DDX20: variants seen among roughly 807,000 people sequenced by gnomAD.
The protein encoded by DDX20 is DEAD-box helicase 20.
A neutral mutation model predicts 76.4 loss-of-function variants in DDX20; 61 were observed. The ratio of observed to expected loss-of-function variants is 0.80; its 90% CI spans 0.65 to 0.99. The LOEUF (loss-of-function observed/expected upper bound fraction) is 0.99. DDX20 is among the 50% of genes least tolerant of loss of function. The probability of loss-of-function intolerance (pLI) is 0.00; values close to 1 mark genes in which losing one functional copy is unlikely to be tolerated. For missense variants in DDX20, 976 were observed against 996.8 expected (o/e 0.98, Z 0.28); for synonymous variants, 357 against 357.4 (o/e 1.00, Z 0.01).
intron 7 of DDX20, 57 bp downstream of exon 7, chr1:111,761,341 G>T (rs1663671412): frequency 1.4e-6 from 2 of 1,459,112 alleles, no homozygotes; most frequent in African/African-American, 1.4e-5. Context: ...AGCCTCCAAA[G>T]TCAGGAGGAA....
At chr1:111,759,258 G>C in intron 2 of DDX20, 142 bp from the exon 3 acceptor site, 1 of 670,136 alleles carries the variant, frequency 1.5e-6, no homozygotes, top group Non-Finnish European at 2.3e-6. Flanking sequence ...GATACCAAGG[G>C]ATAACTGTAC....
At position 111,762,673 on chromosome 1, in the gene DDX20, C is replaced by T. The variant is rs757896588; in HGVS notation, c.1105-4C>T. On this transcript the variant is annotated splice_polypyrimidine_tract_variant and splice_region_variant and intron_variant, in intron 8 of 10. Coordinates refer to ENST00000369702, the MANE Select transcript of DDX20 (RefSeq NM_007204.5). ...CAAATAATTGCTATCTTCTTCAATT[C>T]AAGACTTCTCGTGGGATTGATGCTG... The T allele has an allele frequency of 6.2e-7, 1 of 1,610,074 alleles. No individual in the cohort carries two copies. Among genetic ancestry groups the T allele is most frequent in the African/African-American group, 1.3e-5 (1 of 74,618 alleles).
In DDX20 at chr1:111,756,156, C is replaced by T; in HGVS notation, c.232C>T (p.Arg78Trp). ...TTCGCGGCCGGTGCTGGAGGGGCTG[C>T]GGGCGGCCGGCTTCGAGAGGCCCTC... ...LLSRPVLEGL[R>W]AAGFERPSPV... The change falls in exon 1 of 11, where the codon CGG (arginine) becomes TGG (tryptophan). Residue 78 changes from arginine (R) to tryptophan (W), a missense_variant. Coordinates refer to ENST00000369702, the MANE Select transcript of DDX20 (RefSeq NM_007204.5). The T allele has an allele frequency of 8.4e-6, 13 of 1,555,554 alleles. No individual in the cohort carries two copies. Among genetic ancestry groups the T allele is most frequent in the East Asian group, 2.4e-5 (1 of 42,080 alleles).
Position 111,767,018 on chromosome 1 carries a change from T to A in DDX20, c.*119T>A, listed in dbSNP as rs575154371. Reference sequence around the variant, plus strand: ...GCATTTCTGATAAACTTGAAAAGACTTGAGTCTTTCCACTGGGACACATCC... The same window carrying A: ...GCATTTCTGATAAACTTGAAAAGACATGAGTCTTTCCACTGGGACACATCC... On this transcript the variant is annotated 3_prime_UTR_variant, in exon 11 of 11. Coordinates refer to ENST00000369702, the MANE Select transcript of DDX20 (RefSeq NM_007204.5). 13 of 757,476 alleles carry A rather than the reference T, an allele frequency of 1.7e-5. No homozygotes were observed. The highest frequency in any genetic ancestry group is 3.9e-4 in the Middle Eastern group (1 of 2,532). The allele number at this position is 757,476 out of a possible 1,614,324, so 46.9% of individuals were successfully genotyped here.
chr1:111,760,291 G>C (rs1032162426), intron 3 of DDX20, 183 bp from the exon 4 acceptor site: 6 of 482,094 alleles, frequency 1.2e-5, no homozygotes, highest in Non-Finnish European at 2.2e-5. Context: ...GGAAAACAAT[G>C]AGTTTAGTCA....
chr1:111,766,645 C>T lies in DDX20; in HGVS notation c.2221C>T (p.Arg741Trp), dbSNP rs377478404. 49 of 1,614,032 alleles carry T rather than the reference C, an allele frequency of 3.0e-5. No homozygotes were observed. The highest frequency in any genetic ancestry group is 6.7e-5 in the Admixed American group (4 of 60,006). The change falls in exon 11 of 11, where the codon CGG becomes TGG. Residue 741 changes from arginine (R) to tryptophan (W), a missense_variant. Physicochemically the swap from Arg to Trp is moderately radical, Grantham distance 101 (BLOSUM62 -3). Transcript: ENST00000369702. Reference protein sequence around the residue: ...AKQSRRNLPRRSSFRLQTEAQ... With the variant: ...AKQSRRNLPRWSSFRLQTEAQ... The stretch of plus-strand genomic sequence containing the variant: ...GCAGAGCCGGAGAAACCTACCCAGG[C>T]GGTCTTCCTTCAGATTGCAGACTGA...
At chr1:111,762,444 A>G (rs548517513) in intron 8 of DDX20, 107 bp downstream of exon 8, 282 of 947,156 alleles carry the variant, frequency 3.0e-4, no homozygotes, top group Non-Finnish European at 4.1e-4. Context: ...TAACAAGAAT[A>G]CCAGAAGATA....
At chr1:111,765,122 A>G (rs1046813799) in intron 10 of DDX20, among the ~76,000 whole-genome samples, 3 of 152,222 alleles carry the variant, frequency 2.0e-5, no homozygotes, top group African/African-American at 7.2e-5. Flanking sequence ...TCACACCTGG[A>G]TGGAATAGAA....
At position 111,755,909 on chromosome 1, in the gene DDX20, T is replaced by C; in HGVS notation, c.-16T>C. On this transcript the variant is annotated 5_prime_UTR_variant, in exon 1 of 11. Coordinates refer to ENST00000369702, the MANE Select transcript of DDX20 (RefSeq NM_007204.5). ...GCCTCCCCTTAAGCACCGCGAGATC[T>C]GACGGCGCGGCTACCATGGCGGCGG... 6.4e-7 allele frequency: 1 copy of C among 1,565,510 alleles called. No homozygotes were observed. Among genetic ancestry groups the C allele is most frequent in the South Asian group, 1.2e-5 (1 of 85,110 alleles).
At chr1:111,764,965 A>C (rs970252922) in intron 10 of DDX20, among the ~76,000 whole-genome samples, 1 of 152,258 alleles carries the variant, frequency 6.6e-6, no homozygotes, top group East Asian at 1.9e-4. Context: ...TCATTGAAGT[A>C]TCCAGACCTG....
At position 111,761,103 on chromosome 1, in the gene DDX20, GT is replaced by G. The variant is rs781191257; in HGVS notation, c.941del (p.Val314AlafsTer30). 7.4e-6 allele frequency: 12 copies of G among 1,613,404 alleles called. No homozygotes were observed. The highest frequency in any genetic ancestry group is 1.0e-5 in the Non-Finnish European group (12 of 1,179,814). ...CAGAATTCCATTTAATCAAGCTTTA[GT>G]CTTTTCTAATTTGCACAGCAGGTAA... ...FSRIPFNQAL[V>X]FSNLHSRAQH... On this transcript the variant is annotated frameshift_variant, in exon 6 of 11. Transcript: ENST00000369702. LOFTEE classifies it high-confidence loss of function.
chr1:111,763,094 A>G, intron 10 of DDX20, 87 bp downstream of exon 10: 1 of 1,074,478 alleles, frequency 9.3e-7, no homozygotes, highest in South Asian at 1.4e-5. Flanking sequence ...CAGAGTGCTT[A>G]TGATGTGCTG....
Position 111,756,699 on chromosome 1 carries a change from A to G in DDX20, c.355A>G (p.Ile119Val), listed in dbSNP as rs763472728. ...CGGGAAAACCTGTGTGTTCTCCACC[A>G]TAGCTTTGGACTCTCTTGTTCTTGA... ...GTGKTCVFST[I>V]ALDSLVLENL... is the part of the protein sequence containing the mutation. Residue 119 changes from isoleucine to valine, a missense_variant, in exon 2 of 11, where the codon ATA becomes GTA. Ile to Val is a conservative substitution (Grantham distance 29). Coordinates refer to ENST00000369702, the MANE Select transcript of DDX20 (RefSeq NM_007204.5). 97 of 1,614,072 alleles carry G rather than the reference A, an allele frequency of 6.0e-5. No individual in the cohort carries two copies. The highest frequency in any genetic ancestry group is 3.3e-4 in the Middle Eastern group (2 of 6,084).
Position 111,756,153 on chromosome 1 carries a change from C to A in DDX20, c.229C>A (p.Leu77Met). 1 of 1,560,376 alleles carries A rather than the reference C, an allele frequency of 6.4e-7. No homozygotes were observed. The highest frequency in any genetic ancestry group is 1.2e-5 in the South Asian group (1 of 86,520). ...GCTTTCGCGGCCGGTGCTGGAGGGG[C>A]TGCGGGCGGCCGGCTTCGAGAGGCC... ...LLLSRPVLEGLRAAGFERPSP... is the reference protein window; with the variant it reads ...LLLSRPVLEGMRAAGFERPSP... Residue 77 changes from leucine (L) to methionine (M), a missense_variant, in exon 1 of 11, where the codon CTG becomes ATG. Leu to Met is a conservative substitution (Grantham distance 15). This residue lies in a region of DDX20 where 343 missense variants were observed against 286.4 expected (regional missense o/e 1.20). Coordinates refer to ENST00000369702, the MANE Select transcript of DDX20 (RefSeq NM_007204.5).
At chr1:111,758,897 G>T (rs774681269) in intron 2 of DDX20, among the ~76,000 whole-genome samples, 1 of 152,146 alleles carries the variant, frequency 6.6e-6, no homozygotes, top group Non-Finnish European at 1.5e-5. Context: ...CACAGAGTAG[G>T]TTCTTACTTA....
At chr1:111,762,803 TTGAG>T (rs1344472862) in intron 9 of DDX20, 21 bp downstream of exon 9, 24 of 1,478,416 alleles carry the variant, frequency 1.6e-5, no homozygotes, top group Middle Eastern at 3.4e-4. Context: ...AAAAAAAAGT[TTGAG>T]TGCTTTCTTT....
intron 2 of DDX20, 48 bp downstream of exon 2, chr1:111,756,788 C>A: frequency 6.9e-7 from 1 of 1,443,560 alleles, no homozygotes; most frequent in Non-Finnish European, 9.8e-7. Flanking sequence ...GTGGACTTTA[C>A]CACAGGTCAG....
rs747944859 is a variant in DDX20, at chr1:111,760,602, C to T, written c.680+14C>T. 17 of 1,601,612 alleles carry T rather than the reference C, an allele frequency of 1.1e-5. No homozygotes were observed. Among genetic ancestry groups the T allele is most frequent in the African/African-American group, 1.3e-5 (1 of 74,082 alleles). On this transcript the variant is annotated intron_variant, in intron 4 of 10. Transcript: ENST00000369702. ...GGAGCAAATAAAGTAAGAAAAATAA[C>T]TAACTTGACTATTAAAACAGTGTTC...
chr1:111,761,290 T>C lies in DDX20; in HGVS notation c.1021+6T>C, dbSNP rs1000220277. On this transcript the variant is annotated splice_donor_region_variant and intron_variant, in intron 7 of 10. Transcript: ENST00000369702. ...TCCTGCTGAGTGCATTTCAGGTAAGTTCATCTCTTACTTTAATCTTTATTT... is the reference window on the plus strand; with the variant it reads ...TCCTGCTGAGTGCATTTCAGGTAAGCTCATCTCTTACTTTAATCTTTATTT... 1 of 1,610,436 alleles carries C rather than the reference T, an allele frequency of 6.2e-7. No homozygotes were observed. Among genetic ancestry groups the C allele is most frequent in the African/African-American group, 1.3e-5 (1 of 74,776 alleles).
Sources: gnomAD v4.1 joint callset for allele counts (sites outside exome capture counted in the v4.1 genomes callset) on GRCh38, gnomAD v4.1.1 for gene constraint, gnomAD v4.1.1 regional missense constraint, MANE v1.5 for transcripts, NCBI Gene and HGNC (gene_info 2026-07-23, HGNC 2026-07-21) for gene names.